Variants in ZNF808 observed in about 807,000 individuals in gnomAD.
ZNF808 encodes the protein zinc finger protein 808.
ZNF808 carries 5 observed loss-of-function variants against 8.7 expected under a neutral mutation model. The observed-to-expected ratio is 0.58, with a 90% CI of 0.30 to 1.21. ZNF808 has a LOEUF of 1.21. ZNF808 is among the 50% of genes most tolerant of loss of function. ZNF808 has a pLI of 0.07. For missense variants in ZNF808, 1,103 were observed against 1,098.4 expected (o/e 1.00, Z -0.06); for synonymous variants, 380 against 366.0 (o/e 1.04, Z -0.44).
At chr19:52,532,740 T>TGCCC (rs2059572462) in intron 1 of ZNF808, among the ~76,000 whole-genome samples, 168 bp from the exon 2 acceptor site, 1 of 72,110 alleles carries the variant, frequency 1.4e-5, no homozygotes, top group Admixed American at 1.8e-4. Flanking sequence ...ACGTAAAGTA[T>TGCCC]TTATTAAGTA....
chr19:52,543,092 A>C (rs1346474078), intron 2 of ZNF808, among the ~76,000 whole-genome samples, 174 bp from the exon 3 acceptor site: 1 of 152,066 alleles, frequency 6.6e-6, no homozygotes, highest in East Asian at 1.9e-4. Context: ...GACCGGGGTC[A>C]AACATACACT....
chr19:52,558,324 A>G (rs939224325), downstream of ZNF808, among the ~76,000 whole-genome samples: 10 of 149,760 alleles, frequency 6.7e-5, no homozygotes, highest in African/African-American at 2.5e-4. Context: ...GGCCTCCCAA[A>G]GTGCTGGGAT....
rs1445212299 is a variant in ZNF808 at position 52,553,902 on chromosome 19, C to T, written c.986C>T (p.Ala329Val). ...ECGKVFRQNS[A>V]LVIHKAIHTG... ...GGCAAGGTCTTTCGTCAAAATTCAG[C>T]CCTTGTAATTCATAAGGCAATTCAT... Residue 329 changes from alanine to valine, a missense_variant, in exon 5 of 5, where the codon GCC (alanine) becomes GTC (valine). Coordinates refer to ENST00000359798, the MANE Select transcript of ZNF808 (RefSeq NM_001039886.4). The T allele has an allele frequency of 1.2e-6, 2 of 1,613,812 alleles. No individual in the cohort carries two copies. Among genetic ancestry groups the T allele is most frequent in the African/African-American group, 1.3e-5 (1 of 74,834 alleles).
At chr19:52,528,719 G>A (rs1480951753) in intron 1 of ZNF808, among the ~76,000 whole-genome samples, 3 of 152,044 alleles carry the variant, frequency 2.0e-5, no homozygotes, top group Non-Finnish European at 4.4e-5. Flanking sequence ...AAACACAGCA[G>A]GGAGGACACC....
At position 52,556,301 on chromosome 19, in the gene ZNF808, GTTTT is replaced by G. The variant is rs2059835476; in HGVS notation, c.*676_*679del. Reference sequence around the variant, plus strand: ...AGATGTCGGCCACTTTCGCCATCCTGTTTTTTGTTTCTTATTTTCTTATTTATTT... The same window carrying G: ...AGATGTCGGCCACTTTCGCCATCCTGTTGTTTCTTATTTTCTTATTTATTT... On this transcript the variant is annotated 3_prime_UTR_variant, in exon 5 of 5. Coordinates refer to ENST00000359798, the MANE Select transcript of ZNF808 (RefSeq NM_001039886.4). The G allele has an allele frequency of 6.1e-6, 1 of 164,992 alleles. No individual in the cohort carries two copies. Among genetic ancestry groups the G allele is most frequent in the Admixed American group, 6.0e-5 (1 of 16,670 alleles). The allele number at this position is 164,992 out of a possible 1,614,324, so 10.2% of individuals were successfully genotyped here.
At chr19:52,567,525 A>ATT (rs1446013538), downstream of ZNF808, among the ~76,000 whole-genome samples, 5 of 94,342 alleles carry the variant, frequency 5.3e-5, no homozygotes, top group African/African-American at 1.4e-4. Context: ...TATTATTATT[A>ATT]TTATTATTTT....
At chr19:52,544,940 C>T (rs935815655) in intron 3 of ZNF808, among the ~76,000 whole-genome samples, 4 of 152,146 alleles carry the variant, frequency 2.6e-5, no homozygotes, top group South Asian at 2.1e-4. Context: ...TTCGCTGTCA[C>T]GCCTGGCTAA....
chr19:52,539,739 G>A (rs529322095), intron 2 of ZNF808, among the ~76,000 whole-genome samples: 1 of 151,286 alleles, frequency 6.6e-6, no homozygotes, highest in African/African-American at 2.4e-5. Flanking sequence ...TTTCAGTGGA[G>A]ATGGGGTTTC....
chr19:52,532,731 C>T (rs971824304), intron 1 of ZNF808, among the ~76,000 whole-genome samples, 177 bp from the exon 2 acceptor site: 6 of 116,900 alleles, frequency 5.1e-5, no homozygotes, highest in Non-Finnish European at 1.0e-4. Flanking sequence ...TTGAAGTACA[C>T]GTAAAGTATT....
downstream of ZNF808, chr19:52,564,609 C>T (rs1481425908): frequency 6.2e-6 from 1 of 160,036 alleles, no homozygotes; most frequent in South Asian, 1.7e-4. Flanking sequence ...TTCCCTAACC[C>T]AGTTCATGAA....
At chr19:52,566,267 C>T (rs561187005), downstream of ZNF808, among the ~76,000 whole-genome samples, 5 of 152,026 alleles carry the variant, frequency 3.3e-5, no homozygotes, top group South Asian at 8.3e-4. Flanking sequence ...CCAGGTACTA[C>T]GGATTCTCCT....
chr19:52,532,127 T>C (rs527929018), intron 1 of ZNF808, among the ~76,000 whole-genome samples: 1 of 152,224 alleles, frequency 6.6e-6, no homozygotes, highest in East Asian at 1.9e-4. Context: ...GTATATGATA[T>C]GTAATGGAAC....
chr19:52,564,375 C>T (rs1405245691), exon 4 of ZNF808: 12 of 466,644 alleles, frequency 2.6e-5, no homozygotes, highest in East Asian at 8.0e-5. Context: ...CTGTTATGAA[C>T]GCATTGGTTG....
At position 52,554,975 on chromosome 19, in the gene ZNF808, G is replaced by A. The variant is rs1176224325; in HGVS notation, c.2059G>A (p.Ala687Thr). The A allele has an allele frequency of 6.2e-7, 1 of 1,614,122 alleles. No homozygotes were observed. The highest frequency in any genetic ancestry group is 2.2e-5 in the East Asian group (1 of 44,884). Residue 687 changes from alanine to threonine, a missense_variant, in exon 5 of 5, where the codon GCT (alanine) becomes ACT (threonine). Coordinates refer to ENST00000359798, the MANE Select transcript of ZNF808 (RefSeq NM_001039886.4). ...TTACAAATGTAAGGTTTGTGACAAG[G>A]CTTTCGTGTGTCGTTCCTATGTGGC... Reference protein sequence around the residue: ...KSYKCKVCDKAFVCRSYVAKH... With the variant: ...KSYKCKVCDKTFVCRSYVAKH...
intron 4 of ZNF808, among the ~76,000 whole-genome samples, chr19:52,549,534 A>G (rs1039588668): frequency 2.6e-5 from 4 of 152,122 alleles, no homozygotes; most frequent in Admixed American, 6.6e-5. Flanking sequence ...TCCCTTGCCC[A>G]TATTGTAATT....
chr19:52,554,480 C>T lies in ZNF808; in HGVS notation c.1564C>T (p.His522Tyr). ...TAATCAGTGTGGCAATACCTTCCGT[C>T]ACCGGGCATCCCTTGTATACCATCG... is the stretch of plus-strand genomic sequence containing the variant. ...KCNQCGNTFRHRASLVYHRRL... is the reference protein window; with the variant it reads ...KCNQCGNTFRYRASLVYHRRL... Residue 522 changes from histidine to tyrosine, a missense_variant, in exon 5 of 5, where the codon CAC (histidine) becomes TAC (tyrosine). Transcript: ENST00000359798. 5 of 1,614,144 alleles carry T rather than the reference C, an allele frequency of 3.1e-6. No individual in the cohort carries two copies. Among genetic ancestry groups the T allele is most frequent in the South Asian group, 1.1e-5 (1 of 91,086 alleles).
chr19:52,543,130 C>T lies in ZNF808; in HGVS notation c.-19-136C>T, dbSNP rs552739737. ...TAGGTCTTCCTGTGGGACTTTCTTACCTCTGCATGATCTCTGGTGCAGTGG... is the reference window on the plus strand; with the variant it reads ...TAGGTCTTCCTGTGGGACTTTCTTATCTCTGCATGATCTCTGGTGCAGTGG... On this transcript the variant is annotated intron_variant, in intron 2 of 4. Coordinates refer to ENST00000359798, the MANE Select transcript of ZNF808 (RefSeq NM_001039886.4). 17 of 844,114 alleles carry T rather than the reference C, an allele frequency of 2.0e-5. No individual in the cohort carries two copies. In the East Asian group the frequency reaches 2.4e-4, roughly 12 times the overall value. 52.3% of individuals were successfully genotyped at this position (844,114 alleles called of 1,614,324 possible).
At chr19:52,557,026 G>A (rs902825229), downstream of ZNF808, among the ~76,000 whole-genome samples, 1 of 152,158 alleles carries the variant, frequency 6.6e-6, no homozygotes, top group African/African-American at 2.4e-5. Context: ...TGGATGGAGT[G>A]CAGTGGTGCG....
chr19:52,567,480 GTATTTTTTATTATTAT>G (rs748778069), downstream of ZNF808, among the ~76,000 whole-genome samples: 328 of 105,600 alleles, frequency 3.1e-3, 1 homozygote, highest in Admixed American at 8.3e-3. Flanking sequence ...TTGTCCAGCT[GTATTTTTTATTATTAT>G]TATTATTATT....
Sources: gnomAD v4.1 joint callset for allele counts (sites outside exome capture counted in the v4.1 genomes callset) on GRCh38, gnomAD v4.1.1 for gene constraint, MANE v1.5 for transcripts, NCBI Gene and HGNC (gene_info 2026-07-23, HGNC 2026-07-21) for gene names.